Variants in BRMS1L observed in about 807,000 individuals in gnomAD.
The protein encoded by BRMS1L is breast cancer metastasis-suppressor 1-like protein.
In BRMS1L, 23 loss-of-function variants were observed where a neutral mutation model predicts 50.3. The ratio of observed to expected loss-of-function variants is 0.46; its 90% confidence interval spans 0.33 to 0.65. The LOEUF is 0.65. Ranked by LOEUF, BRMS1L falls within the 30% of genes least tolerant of loss-of-function variation. The probability of loss-of-function intolerance (pLI) is 0.02; values close to 1 mark genes in which losing one functional copy is unlikely to be tolerated. For missense variants in BRMS1L, 286 were observed against 386.1 expected (o/e 0.74, Z 2.17); for synonymous variants, 114 against 126.9 (o/e 0.90, Z 0.69).
chr14:35,834,495 A>G (rs1411731869), intron 3 of BRMS1L, among the ~76,000 whole-genome samples: 2 of 152,132 alleles, frequency 1.3e-5, no homozygotes, highest in South Asian at 4.1e-4. Context: ...AGAGTTTATT[A>G]TCTCCATTTC....
intron 4 of BRMS1L, among the ~76,000 whole-genome samples, chr14:35,859,361 C>T (rs762255501): frequency 3.3e-5 from 5 of 152,292 alleles, no homozygotes; most frequent in Admixed American, 6.5e-5. Flanking sequence ...AACATCTTGA[C>T]GCTCACACTT....
intron 5 of BRMS1L, among the ~76,000 whole-genome samples, chr14:35,863,571 A>G (rs1388187904): frequency 3.9e-5 from 6 of 152,194 alleles, no homozygotes. Flanking sequence ...CCTCAGTGGT[A>G]GCTTTGGGGA....
At chr14:35,826,826 T>G in intron 1 of BRMS1L, 168 bp downstream of exon 1, 1 of 984,010 alleles carries the variant, frequency 1.0e-6, no homozygotes, top group Non-Finnish European at 1.4e-6. Context: ...CGCTGGGCGC[T>G]GTCTGGCTCC....
At chr14:35,848,138 G>T (rs944034902) in intron 4 of BRMS1L, among the ~76,000 whole-genome samples, 1 of 152,064 alleles carries the variant, frequency 6.6e-6, no homozygotes, top group Non-Finnish European at 1.5e-5. Context: ...TTTTAAAAAA[G>T]CAATTAATTT....
At chr14:35,863,561 C>T (rs1346102989) in intron 5 of BRMS1L, among the ~76,000 whole-genome samples, 3 of 152,140 alleles carry the variant, frequency 2.0e-5, no homozygotes, top group Non-Finnish European at 4.4e-5. Flanking sequence ...AGAATACCTA[C>T]CTCAGTGGTA....
intron 4 of BRMS1L, among the ~76,000 whole-genome samples, chr14:35,861,256 G>T (rs1474091363): frequency 6.6e-6 from 1 of 152,138 alleles, no homozygotes; most frequent in African/African-American, 2.4e-5. Context: ...ATTTTTAAAA[G>T]AATTTCTGCT....
chr14:35,861,935 C>T (rs1035255025), intron 4 of BRMS1L, among the ~76,000 whole-genome samples: 6 of 152,096 alleles, frequency 3.9e-5, no homozygotes, highest in African/African-American at 1.4e-4. Context: ...ATTAGGGCTA[C>T]AGTATTATAT....
chr14:35,852,965 T>C (rs1026569627), intron 4 of BRMS1L, among the ~76,000 whole-genome samples: 2 of 151,824 alleles, frequency 1.3e-5, no homozygotes, highest in African/African-American at 4.9e-5. Context: ...CACCTTGTAT[T>C]TCTATCAGTC....
At chr14:35,841,275 A>G (rs1053454108) in intron 4 of BRMS1L, among the ~76,000 whole-genome samples, 2 of 151,632 alleles carry the variant, frequency 1.3e-5, no homozygotes, top group Non-Finnish European at 1.5e-5. Flanking sequence ...TATGTGGTCA[A>G]TTTTATTTTT....
intron 4 of BRMS1L, among the ~76,000 whole-genome samples, chr14:35,850,814 C>T (rs915090998): frequency 2.6e-5 from 4 of 152,116 alleles, no homozygotes; most frequent in African/African-American, 7.2e-5. Context: ...ATTTTCCCAA[C>T]GTCATTTTAT....
At chr14:35,853,331 T>C (rs1490157755) in intron 4 of BRMS1L, among the ~76,000 whole-genome samples, 1 of 152,180 alleles carries the variant, frequency 6.6e-6, no homozygotes, top group Non-Finnish European at 1.5e-5. Context: ...TAACTACTTC[T>C]ATTTTAACTG....
Position 35,833,014 on chromosome 14 carries a change from A to G in BRMS1L, c.270A>G (p.Lys90=). The change falls in exon 3 of 10, where the codon AAA becomes AAG. Residue 90 remains lysine, a synonymous_variant. Coordinates refer to ENST00000216807, the MANE Select transcript of BRMS1L (RefSeq NM_032352.4). Reference sequence around the variant, plus strand: ...AACGATTAAGTCAGGTGGATGCAAAACTACAAGAAGTCATAGCTGGAAAAG... The same window carrying G: ...AACGATTAAGTCAGGTGGATGCAAAGCTACAAGAAGTCATAGCTGGAAAAG... The part of the protein sequence containing the change: ...YKERLSQVDA[K]LQEVIAGKAP... The G allele has an allele frequency of 6.2e-7, 1 of 1,613,426 alleles. No homozygotes were observed. The highest frequency in any genetic ancestry group is 8.5e-7 in the Non-Finnish European group (1 of 1,179,586).
At chr14:35,832,705 C>G (rs1216835199) in intron 2 of BRMS1L, among the ~76,000 whole-genome samples, 1 of 152,096 alleles carries the variant, frequency 6.6e-6, no homozygotes, top group Non-Finnish European at 1.5e-5. Flanking sequence ...AAAACAAAAA[C>G]AAACATTAAT....
intron 3 of BRMS1L, 101 bp from the exon 4 acceptor site, chr14:35,834,743 G>T: frequency 2.7e-6 from 2 of 734,962 alleles, no homozygotes; most frequent in Non-Finnish European, 3.9e-6. Flanking sequence ...ATTTTTTCTT[G>T]ATCCATCTTA....
chr14:35,868,884 A>G (rs1023977501), intron 9 of BRMS1L, among the ~76,000 whole-genome samples: 10 of 152,192 alleles, frequency 6.6e-5, no homozygotes, highest in African/African-American at 2.2e-4. Context: ...TTATATAACT[A>G]TTTGTATAGC....
intron 4 of BRMS1L, among the ~76,000 whole-genome samples, chr14:35,857,240 CAA>C (rs200406365): frequency 8.0e-6 from 1 of 125,450 alleles, no homozygotes; most frequent in Non-Finnish European, 1.6e-5. Flanking sequence ...GACTCCGTCT[CAA>C]AAAAAAAAAT....
At chr14:35,866,846 G>T (rs900673990) in intron 8 of BRMS1L, among the ~76,000 whole-genome samples, 4 of 152,166 alleles carry the variant, frequency 2.6e-5, no homozygotes, top group African/African-American at 9.7e-5. Flanking sequence ...TAACATTTTT[G>T]GGTAATAGAT....
At chr14:35,864,420 C>T (rs1347071994) in intron 6 of BRMS1L, among the ~76,000 whole-genome samples, 1 of 152,054 alleles carries the variant, frequency 6.6e-6, no homozygotes, top group Non-Finnish European at 1.5e-5. Context: ...TGCCACTCGC[C>T]TGGCTAATTT....
Position 35,871,530 on chromosome 14 carries a change from C to G in BRMS1L, c.*1053C>G, listed in dbSNP as rs533112216. The G allele has an allele frequency of 1.3e-5, 2 of 152,758 alleles. No homozygotes were observed. The highest frequency in any genetic ancestry group is 3.9e-4 in the East Asian group (2 of 5,188). 9.5% of individuals were successfully genotyped at this position (152,758 alleles called of 1,614,324 possible). A position where few individuals can be genotyped will look rare whatever the true frequency, so the allele number is the denominator to read the frequency against. ...TCAGGAACAGTACAAAGAATTGAAA[C>G]CCTCAATATGGCAGCACAGCCGGCT... is the stretch of plus-strand genomic sequence containing the variant. On this transcript the variant is annotated 3_prime_UTR_variant, in exon 10 of 10. Transcript: ENST00000216807.
Sources: allele counts gnomAD v4.1 joint callset (sites outside exome capture counted in the v4.1 genomes callset), GRCh38; gene constraint gnomAD v4.1.1; transcripts MANE v1.5; gene names NCBI Gene and HGNC (gene_info 2026-07-23, HGNC 2026-07-21).